ERICH1: variants seen among roughly 807,000 people sequenced by gnomAD.
ERICH1 encodes glutamate rich 1.
ERICH1 carries 56 observed loss-of-function variants against 39.6 expected under a neutral mutation model. The observed-to-expected ratio is 1.41, with a 90% CI of 1.14 to 1.77. The LOEUF (loss-of-function observed/expected upper bound fraction) is 1.77. ERICH1 is among the 40% of genes most tolerant of loss of function. The pLI is 0.00. For missense variants in ERICH1, 826 were observed against 575.4 expected (o/e 1.44, Z -4.45); for synonymous variants, 313 against 223.6 (o/e 1.40, Z -3.57).
chr8:650,124 C>T (rs1368126945), intron 3 of ERICH1, among the ~76,000 whole-genome samples: 1 of 152,230 alleles, frequency 6.6e-6, no homozygotes, highest in Non-Finnish European at 1.5e-5. Context: ...TCGCTCCATG[C>T]CGGGAGCGCG....
chr8:633,330 G>A (rs1798171601), intron 3 of ERICH1, among the ~76,000 whole-genome samples: 1 of 152,218 alleles, frequency 6.6e-6, no homozygotes. Context: ...TCCGTCAGGG[G>A]AAATGGATCA....
downstream of ERICH1, among the ~76,000 whole-genome samples, chr8:662,848 C>T (rs956355137): frequency 6.7e-6 from 1 of 149,878 alleles, no homozygotes; most frequent in Non-Finnish European, 1.5e-5. Flanking sequence ...ACAATGACTT[C>T]GGAGTTAGGG....
intron 3 of ERICH1, among the ~76,000 whole-genome samples, chr8:657,239 T>C (rs1283285440): frequency 2.0e-5 from 3 of 152,218 alleles, no homozygotes; most frequent in Non-Finnish European, 4.4e-5. Flanking sequence ...GAGAGGGGCT[T>C]CTGCCCGATT....
chr8:692,510 G>T lies in ERICH1; in HGVS notation c.272C>A (p.Pro91His). Residue 91 changes from proline (P) to histidine (H), a missense_variant, in exon 3 of 6, where the codon CCC becomes CAC. Physicochemically the swap from Pro to His is moderately conservative, Grantham distance 77. Coordinates refer to ENST00000262109, the MANE Select transcript of ERICH1 (RefSeq NM_207332.3). ...CWPEPSSCGS[P>H]ENASSGDDTE... Reference sequence around the variant, plus strand: ...GTCATCCCCGCTGGAGGCGTTCTCGGGGCTCCCACAGCTGCTGGGCTCCGG... The same window carrying T: ...GTCATCCCCGCTGGAGGCGTTCTCGTGGCTCCCACAGCTGCTGGGCTCCGG... 1 of 1,613,984 alleles carries T rather than the reference G, an allele frequency of 6.2e-7. No homozygotes were observed. The highest frequency in any genetic ancestry group is 8.5e-7 in the Non-Finnish European group (1 of 1,179,952).
chr8:690,242 G>A (rs1445995849), intron 3 of ERICH1, among the ~76,000 whole-genome samples: 3 of 152,196 alleles, frequency 2.0e-5, no homozygotes, highest in African/African-American at 4.8e-5. Flanking sequence ...GAGCCCAAAA[G>A]CACCCACAGT....
chr8:664,834 A>G (rs1563205044), intron 5 of ERICH1, among the ~76,000 whole-genome samples, 158 bp from the exon 6 acceptor site: 3 of 152,240 alleles, frequency 2.0e-5, no homozygotes, highest in Non-Finnish European at 4.4e-5. Flanking sequence ...AAAGTGACAC[A>G]TTATACTTGT....
chr8:640,319 A>T (rs531738825), intron 3 of ERICH1, among the ~76,000 whole-genome samples: 21 of 152,182 alleles, frequency 1.4e-4, no homozygotes, highest in African/African-American at 1.9e-4. Flanking sequence ...CTGACACACA[A>T]GCCCCAGGTG....
chr8:651,991 A>T (rs1451096434), intron 3 of ERICH1, among the ~76,000 whole-genome samples: 1 of 152,186 alleles, frequency 6.6e-6, no homozygotes, highest in Non-Finnish European at 1.5e-5. Flanking sequence ...ACCCGAATGA[A>T]GGCACTGATT....
At position 673,910 on chromosome 8, in the gene ERICH1, G is replaced by A; in HGVS notation, c.442C>T (p.Gln148Ter). Reference sequence around the variant, plus strand: ...GTGGTGCCATCTGTGTGCTGTCGCTGAGATTTCTCCTGTAACAGACTCTGC... The same window carrying A: ...GTGGTGCCATCTGTGTGCTGTCGCTAAGATTTCTCCTGTAACAGACTCTGC... The part of the protein sequence containing the change: ...KQQSLLQEKS[Q>*]RQHTDGTTIS... The change falls in exon 4 of 6, where the codon CAG becomes TAG. Residue 148 changes from glutamine (Q) to a stop codon, truncating the protein, a stop_gained. Transcript: ENST00000262109. LOFTEE classifies it high-confidence loss of function. 1 of 1,613,368 alleles carries A rather than the reference G, an allele frequency of 6.2e-7. No individual in the cohort carries two copies. The highest frequency in any genetic ancestry group is 1.1e-5 in the South Asian group (1 of 91,026).
chr8:656,332 G>A (rs1466932319), intron 3 of ERICH1, among the ~76,000 whole-genome samples: 1 of 152,130 alleles, frequency 6.6e-6, no homozygotes, highest in East Asian at 1.9e-4. Context: ...TGAGGCTTCG[G>A]GACTCTCCCC....
chr8:703,956 C>G (rs73521158), intron 2 of ERICH1, among the ~76,000 whole-genome samples: 268 of 152,288 alleles, frequency 1.8e-3, no homozygotes, highest in African/African-American at 6.0e-3. Flanking sequence ...ACCTCAGCAT[C>G]AGGCTGCACC....
intron 2 of ERICH1, among the ~76,000 whole-genome samples, chr8:704,458 G>A (rs1812818436): frequency 6.6e-6 from 1 of 152,126 alleles, no homozygotes; most frequent in Non-Finnish European, 1.5e-5. Context: ...GTACTATTAA[G>A]TATTTAGAAG....
chr8:671,598 C>T (rs866354032), intron 4 of ERICH1, among the ~76,000 whole-genome samples: 9 of 134,086 alleles, frequency 6.7e-5, no homozygotes, highest in Admixed American at 5.6e-4. Flanking sequence ...CCTCTGAACC[C>T]GCTGGCCCCT....
chr8:702,824 A>T (rs1165528110), intron 2 of ERICH1, among the ~76,000 whole-genome samples: 1 of 152,224 alleles, frequency 6.6e-6, no homozygotes, highest in African/African-American at 2.4e-5. Flanking sequence ...GGAAGCCAGA[A>T]GGCAGGAGCG....
At chr8:663,362 G>A (rs922490148), downstream of ERICH1, among the ~76,000 whole-genome samples, 5 of 152,332 alleles carry the variant, frequency 3.3e-5, no homozygotes, top group East Asian at 1.9e-4. Context: ...ACCTCCACCC[G>A]TCAGAATGGC....
intron 3 of ERICH1, chr8:686,584 C>A (rs1472020106): frequency 6.6e-6 from 1 of 152,244 alleles, no homozygotes; most frequent in Non-Finnish European, 1.5e-5. Context: ...TCATTAAGTC[C>A]GGGAAGAATC....
At chr8:688,180 G>A (rs1420239036) in intron 3 of ERICH1, among the ~76,000 whole-genome samples, 4 of 150,482 alleles carry the variant, frequency 2.7e-5, no homozygotes. Context: ...GGCGAGCCGG[G>A]GCGCAGGACA....
At chr8:710,502 G>T (rs938108866) in intron 2 of ERICH1, among the ~76,000 whole-genome samples, 1 of 150,892 alleles carries the variant, frequency 6.6e-6, no homozygotes, top group African/African-American at 2.5e-5. Flanking sequence ...ATCGTACGGG[G>T]CGGTTTCACC....
intron 3 of ERICH1, among the ~76,000 whole-genome samples, chr8:634,747 G>A (rs973916908): frequency 6.6e-6 from 1 of 152,234 alleles, no homozygotes; most frequent in African/African-American, 2.4e-5. Flanking sequence ...TCCCACGCGG[G>A]ATGACCTTGG....
Sources: gnomAD v4.1 joint callset for allele counts (sites outside exome capture counted in the v4.1 genomes callset) on GRCh38, gnomAD v4.1.1 for gene constraint, MANE v1.5 for transcripts, NCBI Gene and HGNC (gene_info 2026-07-23, HGNC 2026-07-21) for gene names.